Variants in EPAS1 observed in about 807,000 individuals in gnomAD.
EPAS1 encodes endothelial PAS domain protein 1.
A neutral mutation model predicts 87.9 loss-of-function variants in EPAS1; 23 were observed. The ratio of observed to expected loss-of-function variants is 0.26; its 90% CI spans 0.19 to 0.37. The LOEUF (loss-of-function observed/expected upper bound fraction) is 0.37, where lower values mean the gene tolerates loss of function less well. Ranked by LOEUF, EPAS1 falls within the 10% of genes least tolerant of loss-of-function variation. The pLI, the probability that EPAS1 is intolerant of heterozygous loss-of-function variation, is 1.00. For missense variants in EPAS1, 1,138 were observed against 1,120.7 expected, an observed-to-expected ratio of 1.02 and a Z score of -0.22; for synonymous variants, 508 against 444.3, an observed-to-expected ratio of 1.14 and a Z score of -1.80.
chr2:46,378,622 T>C lies in EPAS1; in HGVS notation c.1444-35T>C, dbSNP rs778358922. The C allele has an allele frequency of 9.5e-6, 15 of 1,580,226 alleles. No individual in the cohort carries two copies. The Admixed American group carries it at 1.2e-4, about 12-fold the overall frequency. Reference sequence around the variant, plus strand: ...GACTTCTGGGGAGACCAGTGCCATATCTTTGACTCTGTCCCCCTCCTTCCT... The same window carrying C: ...GACTTCTGGGGAGACCAGTGCCATACCTTTGACTCTGTCCCCCTCCTTCCT... On this transcript the variant is annotated intron_variant, in intron 10 of 15. Coordinates refer to ENST00000263734, the MANE Select transcript of EPAS1 (RefSeq NM_001430.5).
chr2:46,362,205 T>C (rs761612454), intron 6 of EPAS1, among the ~76,000 whole-genome samples: 3 of 152,232 alleles, frequency 2.0e-5, no homozygotes, highest in Non-Finnish European at 2.9e-5. Context: ...CACTCTTCTC[T>C]CATCTTCTAG....
At chr2:46,319,919 A>G (rs1366003583) in intron 1 of EPAS1, among the ~76,000 whole-genome samples, 1 of 152,190 alleles carries the variant, frequency 6.6e-6, no homozygotes, top group Non-Finnish European at 1.5e-5. Context: ...AGTCAGTTTA[A>G]ACATATTTAA....
chr2:46,370,305 C>T (rs1354837282), intron 7 of EPAS1, among the ~76,000 whole-genome samples: 20 of 152,194 alleles, frequency 1.3e-4, no homozygotes, highest in Non-Finnish European at 1.3e-4. Flanking sequence ...TTCAACATAT[C>T]ATCAACTTGG....
At chr2:46,321,604 A>G (rs1683455262) in intron 1 of EPAS1, among the ~76,000 whole-genome samples, 1 of 151,944 alleles carries the variant, frequency 6.6e-6, no homozygotes, top group South Asian at 2.1e-4. Flanking sequence ...GTGAAGTGGT[A>G]TCTCATTGTG....
intron 1 of EPAS1, among the ~76,000 whole-genome samples, chr2:46,325,494 T>G (rs1439395188): frequency 6.6e-6 from 1 of 152,194 alleles, no homozygotes; most frequent in Admixed American, 6.5e-5. Context: ...AAGGATGACA[T>G]GACTCACTTT....
At chr2:46,332,821 G>A (rs991053091) in intron 1 of EPAS1, among the ~76,000 whole-genome samples, 5 of 152,164 alleles carry the variant, frequency 3.3e-5, no homozygotes, top group Admixed American at 3.3e-4. Flanking sequence ...CATGTGAGGT[G>A]AGGGCTCTGG....
chr2:46,371,915 A>C lies in EPAS1; in HGVS notation c.886+1982A>C, dbSNP rs766829868. On this transcript the variant is annotated intron_variant, in intron 7 of 15. Coordinates refer to ENST00000263734, the MANE Select transcript of EPAS1 (RefSeq NM_001430.5). The surrounding 1 kb of genome is among the most constrained non-coding windows in gnomAD (Gnocchi z 4.3). ...TACCTTTTATCTTGTAGGATGGGAA[A>C]GCAGAAGAAGCTACTGTCAAAGGAA... Among the ~76,000 whole-genome samples, 34 of 152,224 alleles carry C rather than the reference A, an allele frequency of 2.2e-4. No homozygotes were observed. The highest frequency in any genetic ancestry group is 1.6e-4 in the Non-Finnish European group (11 of 68,032).
chr2:46,305,173 G>C (rs762432996), intron 1 of EPAS1, among the ~76,000 whole-genome samples: 21 of 152,158 alleles, frequency 1.4e-4, no homozygotes, highest in African/African-American at 4.8e-4. Flanking sequence ...ACCCTTGTCT[G>C]TTCCCACTGT....
chr2:46,327,910 T>C (rs1231547202), intron 1 of EPAS1, among the ~76,000 whole-genome samples: 1 of 152,208 alleles, frequency 6.6e-6, no homozygotes, highest in Non-Finnish European at 1.5e-5. Flanking sequence ...TATTGCCTCA[T>C]GCCTCCTGAG....
intron 6 of EPAS1, among the ~76,000 whole-genome samples, chr2:46,363,329 C>T (rs1475257913): frequency 2.0e-5 from 3 of 152,074 alleles, no homozygotes; most frequent in Non-Finnish European, 4.4e-5. Flanking sequence ...GAAGCACATC[C>T]GTAACATAAC....
intron 9 of EPAS1, among the ~76,000 whole-genome samples, 165 bp from the exon 10 acceptor site, chr2:46,377,729 A>G (rs1684788645): frequency 6.6e-6 from 1 of 152,184 alleles, no homozygotes; most frequent in African/African-American, 2.4e-5. Flanking sequence ...AGCCAGAGTC[A>G]AAGACCCATG....
chr2:46,331,355 C>A (rs895557776), intron 1 of EPAS1, among the ~76,000 whole-genome samples: 1 of 152,218 alleles, frequency 6.6e-6, no homozygotes, highest in Non-Finnish European at 1.5e-5. Flanking sequence ...AGCCCTGGCT[C>A]ATCAAACAAA....
In EPAS1 at chr2:46,356,177, G is replaced by A. The variant is rs367844911; in HGVS notation, c.244G>A (p.Glu82Lys). ...TTGCTCTGAAAACGAGTCCGAAGCCGAAGCTGACCAGCAGATGGACAACTT... is the reference window on the plus strand; with the variant it reads ...TTGCTCTGAAAACGAGTCCGAAGCCAAAGCTGACCAGCAGATGGACAACTT... Reference protein sequence around the residue: ...SVCSENESEAEADQQMDNLYL... With the variant: ...SVCSENESEAKADQQMDNLYL... The change falls in exon 3 of 16, where the codon GAA becomes AAA. Residue 82 changes from glutamate (E) to lysine (K), a missense_variant. By Grantham distance (56) the Glu-to-Lys change is moderately conservative (BLOSUM62 1). Around this residue, in one of 4 missense-constraint regions of EPAS1, gnomAD observed 351 missense variants for 417.1 expected, o/e 0.84. Coordinates refer to ENST00000263734, the MANE Select transcript of EPAS1 (RefSeq NM_001430.5). 22 of 1,521,904 alleles carry A rather than the reference G, an allele frequency of 1.4e-5. No individual in the cohort carries two copies. The highest frequency in any genetic ancestry group is 9.1e-5 in the South Asian group (8 of 88,382). The allele number at this position is 1,521,904 out of a possible 1,614,324, so 94.3% of individuals were successfully genotyped here.
intron 10 of EPAS1, among the ~76,000 whole-genome samples, chr2:46,378,343 C>T (rs528221052): frequency 3.3e-5 from 5 of 152,348 alleles, no homozygotes; most frequent in African/African-American, 1.2e-4. Flanking sequence ...GCAGTAACAT[C>T]CCGTATGTGG....
At chr2:46,304,238 T>C (rs1683065190) in intron 1 of EPAS1, among the ~76,000 whole-genome samples, 1 of 152,194 alleles carries the variant, frequency 6.6e-6, no homozygotes, top group Non-Finnish European at 1.5e-5. Flanking sequence ...GGATTAACTT[T>C]TTAATCCTGT....
At position 46,347,157 on chromosome 2, in the gene EPAS1, G is replaced by A. The variant is rs933265131; in HGVS notation, c.217+94G>A. ...ACCCTTCTGCTGCCAGAGCTGGAAA[G>A]TCACCCCACTACAGAACTTTCACCC... On this transcript the variant is annotated intron_variant, in intron 2 of 15. Transcript: ENST00000263734. This position sits in a 1 kb window ranked among gnomAD's most constrained non-coding sequence, Gnocchi z 4.2. The A allele has an allele frequency of 7.0e-7, 1 of 1,422,190 alleles. No individual in the cohort carries two copies. The highest frequency in any genetic ancestry group is 1.2e-5 in the South Asian group (1 of 86,824). The allele number at this position is 1,422,190 out of a possible 1,614,324, so 88.1% of individuals were successfully genotyped here.
chr2:46,347,118 C>G lies in EPAS1; in HGVS notation c.217+55C>G, dbSNP rs1684045755. ...CAGATGCCAGCCTTACCAGCATGTTCCTATATGCAGGGGACCCTTCTGCTG... is the reference window on the plus strand; with the variant it reads ...CAGATGCCAGCCTTACCAGCATGTTGCTATATGCAGGGGACCCTTCTGCTG... On this transcript the variant is annotated intron_variant, in intron 2 of 15. Coordinates refer to ENST00000263734, the MANE Select transcript of EPAS1 (RefSeq NM_001430.5). This position sits in a 1 kb window ranked among gnomAD's most constrained non-coding sequence, Gnocchi z 4.2. 2 of 1,597,624 alleles carry G rather than the reference C, an allele frequency of 1.3e-6. No individual in the cohort carries two copies. The highest frequency in any genetic ancestry group is 2.7e-5 in the African/African-American group (2 of 74,630).
intron 1 of EPAS1, among the ~76,000 whole-genome samples, chr2:46,326,282 C>T (rs1373415753): frequency 1.3e-5 from 2 of 152,098 alleles, no homozygotes; most frequent in Admixed American, 1.3e-4. Flanking sequence ...TCTCAACTGC[C>T]TAATAACAAG....
intron 2 of EPAS1, among the ~76,000 whole-genome samples, chr2:46,351,799 C>G (rs1684150347): frequency 2.0e-5 from 3 of 152,220 alleles, no homozygotes; most frequent in African/African-American, 7.2e-5. Context: ...AGCCAGCATT[C>G]TGACCAGCAG....
Sources: gnomAD v4.1 joint callset for allele counts (sites outside exome capture counted in the v4.1 genomes callset) on GRCh38, gnomAD v4.1.1 for gene constraint, gnomAD v4.1.1 regional missense constraint, Gnocchi (gnomAD v3.1) non-coding constraint, MANE v1.5 for transcripts, NCBI Gene and HGNC (gene_info 2026-07-23, HGNC 2026-07-21) for gene names.